The following CFAP70 variants were observed in gnomAD, a reference collection of about 807,000 sequenced individuals.
The protein encoded by CFAP70 is cilia- and flagella-associated protein 70.
A neutral mutation model predicts 137.6 loss-of-function variants in CFAP70; 81 were observed. That is an observed-to-expected ratio of 0.59 (90% CI 0.49 to 0.71). The LOEUF is 0.71. Among genes scored for constraint, CFAP70 ranks in the 30% least tolerant of loss-of-function variants. The pLI, the probability that CFAP70 is intolerant of heterozygous loss-of-function variation, is 0.00. For missense variants in CFAP70, 976 were observed against 1,226.7 expected (o/e 0.80, Z 3.05); for synonymous variants, 382 against 423.6 (o/e 0.90, Z 1.20).
At chr10:73,359,791 AG>A (rs2054935075), upstream of CFAP70, among the ~76,000 whole-genome samples, 1 of 152,044 alleles carries the variant, frequency 6.6e-6, no homozygotes, top group African/African-American at 2.4e-5. Flanking sequence ...TTGATTACAG[AG>A]GGGGAAACAG....
At chr10:73,269,519 TA>T in intron 25 of CFAP70, 94 bp downstream of exon 26, 1 of 777,856 alleles carries the variant, frequency 1.3e-6, no homozygotes, top group Non-Finnish European at 2.2e-6. Context: ...AGATTTCAGC[TA>T]CCATGCATTA....
chr10:73,337,645 C>T (rs2052803036), intron 6 of CFAP70, among the ~76,000 whole-genome samples: 1 of 152,140 alleles, frequency 6.6e-6, no homozygotes, highest in Admixed American at 6.5e-5. Flanking sequence ...TGGTTCACGC[C>T]TGTAATCCCA....
chr10:73,329,058 C>G (rs1386294190), intron 8 of CFAP70, among the ~76,000 whole-genome samples: 3 of 151,898 alleles, frequency 2.0e-5, no homozygotes, highest in African/African-American at 7.3e-5. Context: ...TATTGCGGCA[C>G]TATTCACAAT....
chr10:73,289,527 G>A (rs1003916845), intron 19 of CFAP70, among the ~76,000 whole-genome samples: 22 of 151,734 alleles, frequency 1.4e-4, no homozygotes, highest in South Asian at 4.2e-4. Flanking sequence ...CTTGTGATCC[G>A]CCTGCCTCGG....
intron 11 of CFAP70, 116 bp downstream of exon 12, chr10:73,311,718 G>A (rs535231902): frequency 8.1e-5 from 71 of 872,674 alleles, no homozygotes; most frequent in South Asian, 7.4e-4. Flanking sequence ...AACTAGTCAT[G>A]GGCAAATATG....
intron 6 of CFAP70, among the ~76,000 whole-genome samples, chr10:73,338,587 C>T (rs186567894): frequency 6.6e-6 from 1 of 151,714 alleles, no homozygotes; most frequent in African/African-American, 2.4e-5. Flanking sequence ...TGTGCCACTA[C>T]ACCCAGCCAA....
chr10:73,323,393 G>A (rs1399715514), intron 8 of CFAP70, among the ~76,000 whole-genome samples: 3 of 151,954 alleles, frequency 2.0e-5, no homozygotes, highest in African/African-American at 7.2e-5. Flanking sequence ...CCCAGCGTGA[G>A]CGACGCAGAA....
chr10:73,253,990 T>G, exon 27 of CFAP70: 2 of 1,605,334 alleles, frequency 1.2e-6, no homozygotes, highest in South Asian at 2.2e-5. Flanking sequence ...AAGATGGATT[T>G]CCAAAGCCAA....
intron 9 of CFAP70, among the ~76,000 whole-genome samples, chr10:73,316,891 T>C (rs1272186994): frequency 6.6e-6 from 1 of 152,234 alleles, no homozygotes; most frequent in Non-Finnish European, 1.5e-5. Flanking sequence ...CATTTCTTCT[T>C]ATGGATTCAA....
intron 12 of CFAP70, among the ~76,000 whole-genome samples, chr10:73,304,567 C>G (rs1266410260): frequency 6.6e-6 from 1 of 151,972 alleles, no homozygotes; most frequent in African/African-American, 2.4e-5. Context: ...CTTTTCTCCC[C>G]ATCAAAATAG....
chr10:73,311,400 T>G (rs2049910673), intron 11 of CFAP70, among the ~76,000 whole-genome samples: 1 of 152,152 alleles, frequency 6.6e-6, no homozygotes, highest in Non-Finnish European at 1.5e-5. Context: ...GACTTCCCCA[T>G]CCTAATATTT....
chr10:73,337,674 G>A (rs1022433915), intron 6 of CFAP70, among the ~76,000 whole-genome samples: 1 of 152,182 alleles, frequency 6.6e-6, no homozygotes, highest in African/African-American at 2.4e-5. Context: ...GGAGGCCGAG[G>A]CAGGCAGATC....
chr10:73,332,918 A>G (rs1322781633), intron 7 of CFAP70, among the ~76,000 whole-genome samples: 1 of 152,230 alleles, frequency 6.6e-6, no homozygotes, highest in Non-Finnish European at 1.5e-5. Context: ...GTCCAAATAG[A>G]CAAAGCTACT....
At chr10:73,309,038 T>C (rs2049670514) in intron 12 of CFAP70, among the ~76,000 whole-genome samples, 1 of 151,996 alleles carries the variant, frequency 6.6e-6, no homozygotes, top group East Asian at 1.9e-4. Context: ...GAATGAAGAT[T>C]AGAGTAAAAA....
chr10:73,289,549 G>T, intron 19 of CFAP70, among the ~76,000 whole-genome samples: 1 of 151,902 alleles, frequency 6.6e-6, no homozygotes, highest in South Asian at 2.1e-4. Flanking sequence ...CTCCCAGAGT[G>T]CTGGGATTAC....
At chr10:73,350,795 C>G (rs2054131077) in intron 3 of CFAP70, among the ~76,000 whole-genome samples, 1 of 151,794 alleles carries the variant, frequency 6.6e-6, no homozygotes, top group African/African-American at 2.4e-5. Flanking sequence ...AGGTCTCACT[C>G]TGTCACCTGG....
At chr10:73,317,037 T>A (rs1342589699) in intron 9 of CFAP70, among the ~76,000 whole-genome samples, 1 of 152,216 alleles carries the variant, frequency 6.6e-6, no homozygotes, top group Non-Finnish European at 1.5e-5. Context: ...TTTTTGTTTC[T>A]TTTATTGAGA....
intron 4 of CFAP70, 51 bp downstream of exon 4, chr10:73,348,372 A>T (rs1255884398): frequency 6.4e-7 from 1 of 1,569,288 alleles, no homozygotes; most frequent in Non-Finnish European, 8.8e-7. Context: ...CTCTGGGGCT[A>T]AGTTTTATGA....
At chr10:73,292,736 AC>A (rs1289560134) in intron 16 of CFAP70, among the ~76,000 whole-genome samples, 44 of 152,264 alleles carry the variant, frequency 2.9e-4, no homozygotes, top group African/African-American at 1.1e-3. Context: ...CCTTTGTCAT[AC>A]ATATGTTTTA....
Sources: gnomAD v4.1 joint callset for allele counts (sites outside exome capture counted in the v4.1 genomes callset) on GRCh38, gnomAD v4.1.1 for gene constraint, MANE v1.5 for transcripts, NCBI Gene and HGNC (gene_info 2026-07-23, HGNC 2026-07-21) for gene names.